The following INSL6 variants were observed in gnomAD, a reference collection of about 807,000 sequenced individuals.
INSL6 encodes insulin like 6.
Under a neutral mutation model 9.4 loss-of-function variants are expected in INSL6, and 16 were observed. The ratio of observed to expected loss-of-function variants is 1.70; its 90% confidence interval spans 1.15 to 2.59. The LOEUF is 2.59. Among genes scored for constraint, INSL6 ranks in the 30% most tolerant of loss-of-function variants. The probability of loss-of-function intolerance (pLI) is 0.00; values close to 1 mark genes in which losing one functional copy is unlikely to be tolerated. For missense variants in INSL6, 391 were observed against 257.3 expected (o/e 1.52, Z -3.56); for synonymous variants, 154 against 96.9 (o/e 1.59, Z -3.46).
chr9:5,156,930 T>C lies in INSL6; in HGVS notation c.376+7249A>G, dbSNP rs73383164. On this transcript the variant is annotated intron_variant, in intron 2 of 3. Coordinates refer to the INSL6 transcript ENST00000649639. The stretch of plus-strand genomic sequence containing the variant: ...AATAAAATACTTAAAGGCAGGAGAA[T>C]TTCTTGAACCTGAGAGGCAGAGGTT... Among the ~76,000 whole-genome samples the C allele has an allele frequency of 6.0e-3, 915 of 152,186 alleles. 14 individuals are homozygous for C. Among genetic ancestry groups the C allele is most frequent in the African/African-American group, 0.021 (876 of 41,526 alleles).
chr9:5,080,149 G>A, the INSL6 span: 39 of 1,104,334 alleles, frequency 3.5e-5, 1 homozygote, highest in Admixed American at 5.7e-4. Context: ...CAAATGATTT[G>A]AACTTTAAAG....
the INSL6 span, among the ~76,000 whole-genome samples, chr9:5,077,958 A>T: frequency 6.6e-6 from 1 of 152,220 alleles, no homozygotes; most frequent in Non-Finnish European, 1.5e-5. Flanking sequence ...ACTGCCAGTC[A>T]TCAGACCCCT....
At chr9:5,065,014 A>G in the INSL6 span, 1 of 1,602,718 alleles carries the variant, frequency 6.2e-7, no homozygotes, top group Non-Finnish European at 8.5e-7. Flanking sequence ...TTGAAAATAT[A>G]CAAAGCAACT....
chr9:5,012,696 A>G, the INSL6 span, among the ~76,000 whole-genome samples: 13,443 of 152,218 alleles, frequency 0.088, 1,727 homozygotes, highest in African/African-American at 0.29. Context: ...TGCTAAGAAT[A>G]GATCGTTTGA....
chr9:5,171,007 T>A (rs1375009252), intron 1 of INSL6, among the ~76,000 whole-genome samples: 3 of 152,168 alleles, frequency 2.0e-5, no homozygotes, highest in African/African-American at 7.2e-5. Context: ...AGCATCATCC[T>A]GATACCAAAA....
At chr9:5,105,314 A>G in the INSL6 span, among the ~76,000 whole-genome samples, 1 of 152,208 alleles carries the variant, frequency 6.6e-6, no homozygotes, top group African/African-American at 2.4e-5. Flanking sequence ...CAATTGCTAC[A>G]AAGAGAATAA....
chr9:5,116,790 G>C, the INSL6 span, among the ~76,000 whole-genome samples: 1 of 152,126 alleles, frequency 6.6e-6, no homozygotes, highest in Admixed American at 6.5e-5. Flanking sequence ...TCAACTGACA[G>C]GTCCACTACC....
downstream of INSL6, among the ~76,000 whole-genome samples, chr9:5,121,395 T>C (rs940566485): frequency 1.3e-5 from 2 of 152,222 alleles, no homozygotes; most frequent in Admixed American, 6.5e-5. Context: ...ACGTAGTTTA[T>C]TCTAAATTCA....
the INSL6 span, among the ~76,000 whole-genome samples, chr9:4,991,977 T>TA: frequency 6.6e-6 from 1 of 152,126 alleles, no homozygotes; most frequent in African/African-American, 2.4e-5. Context: ...ACCCAAAACT[T>TA]AGTGATTTAA....
At chr9:4,994,943 C>CGT in the INSL6 span, among the ~76,000 whole-genome samples, 20,503 of 151,062 alleles carry the variant, frequency 0.14, 3,426 homozygotes, top group African/African-American at 0.4. Flanking sequence ...TTTGTCAGGG[C>CGT]GTGTGTGTGT....
chr9:5,055,656 C>T, the INSL6 span: 4 of 1,533,872 alleles, frequency 2.6e-6, no homozygotes, highest in East Asian at 2.3e-5. Context: ...ATTTTACATG[C>T]TTTTAATTAT....
chr9:5,116,199 G>T, the INSL6 span, among the ~76,000 whole-genome samples: 2 of 152,122 alleles, frequency 1.3e-5, no homozygotes, highest in Non-Finnish European at 2.9e-5. Flanking sequence ...ATGGAGAACT[G>T]AATAGCTTAC....
At chr9:5,016,955 C>A in the INSL6 span, among the ~76,000 whole-genome samples, 1 of 152,140 alleles carries the variant, frequency 6.6e-6, no homozygotes, top group South Asian at 2.1e-4. Flanking sequence ...AGACATGAAT[C>A]TTTAGATTAA....
chr9:5,041,670 A>G, the INSL6 span: 2 of 511,422 alleles, frequency 3.9e-6, no homozygotes, highest in Non-Finnish European at 3.9e-6. Context: ...GAAGCTCTCC[A>G]GCTACCTCTT....
chr9:5,117,639 A>G, the INSL6 span, among the ~76,000 whole-genome samples: 2 of 152,024 alleles, frequency 1.3e-5, no homozygotes, highest in African/African-American at 4.8e-5. Context: ...TACATTACTT[A>G]TGTTAACAGG....
chr9:5,089,744 T>TA, the INSL6 span: 2 of 1,583,472 alleles, frequency 1.3e-6, no homozygotes, highest in South Asian at 1.1e-5. Context: ...GTGGTCGCTG[T>TA]AAAAAAGCTT....
At chr9:5,024,690 C>T in the INSL6 span, among the ~76,000 whole-genome samples, 2 of 152,082 alleles carry the variant, frequency 1.3e-5, no homozygotes, top group African/African-American at 2.4e-5. Flanking sequence ...GACCTCTGCC[C>T]CAGATAGCAA....
At chr9:5,162,483 A>C (rs541684242), downstream of INSL6, among the ~76,000 whole-genome samples, 28 of 152,346 alleles carry the variant, frequency 1.8e-4, no homozygotes, top group East Asian at 5.2e-3. Flanking sequence ...AACAAGCTGC[A>C]CTTTATTCTT....
chr9:5,021,131 C>T, the INSL6 span, among the ~76,000 whole-genome samples: 1 of 152,214 alleles, frequency 6.6e-6, no homozygotes, highest in African/African-American at 2.4e-5. Flanking sequence ...TGTGCAGGCT[C>T]TCTAGGCTTC....
Sources: allele counts gnomAD v4.1 joint callset (sites outside exome capture counted in the v4.1 genomes callset), GRCh38; gene constraint gnomAD v4.1.1; transcripts MANE v1.5; gene names NCBI Gene and HGNC (gene_info 2026-07-23, HGNC 2026-07-21).